OPRM1: variants seen among roughly 807,000 people sequenced by gnomAD.
OPRM1 encodes the protein mu-type opioid receptor.
A neutral mutation model predicts 31.8 loss-of-function variants in OPRM1; 27 were observed. That is an observed-to-expected ratio of 0.85 (90% CI 0.63 to 1.17). The LOEUF (loss-of-function observed/expected upper bound fraction) is 1.17. Among genes scored for constraint, OPRM1 ranks in the 50% most tolerant of loss-of-function variants. The probability of loss-of-function intolerance (pLI) is 0.00; values close to 1 mark genes in which losing one functional copy is unlikely to be tolerated. For synonymous variants in OPRM1, 196 were observed against 189.9 expected, an observed-to-expected ratio of 1.03 and a Z score of -0.26; for missense variants, 536 against 511.1, an observed-to-expected ratio of 1.05 and a Z score of -0.47.
At chr6:154,153,881 C>G (rs1798611941) in intron 3 of OPRM1, among the ~76,000 whole-genome samples, 1 of 152,134 alleles carries the variant, frequency 6.6e-6, no homozygotes, top group South Asian at 2.1e-4. Flanking sequence ...ACTGTGAGTT[C>G]ACAAATTTGT....
chr6:154,152,390 A>AGGAAAGAGAGAG (rs1798559728), intron 3 of OPRM1, among the ~76,000 whole-genome samples: 3 of 126,198 alleles, frequency 2.4e-5, no homozygotes, highest in Admixed American at 7.7e-5. Flanking sequence ...GAAAGAAAGA[A>AGGAAAGAGAGAG]AGAGAAATAG....
rs965507512 is a variant in OPRM1 at position 154,120,393 on chromosome 6, A to G, written c.*1672A>G. Among the ~76,000 whole-genome samples the G allele has an allele frequency of 6.6e-6, 1 of 152,170 alleles. No homozygotes were observed. Among genetic ancestry groups the G allele is most frequent in the Non-Finnish European group, 1.5e-5 (1 of 68,016 alleles). On this transcript the variant is annotated 3_prime_UTR_variant, in exon 4 of 4. Coordinates refer to ENST00000330432, the MANE Select transcript of OPRM1 (RefSeq NM_000914.5). ...TAGATGGGAAAAAACAAAAGCCAAA[A>G]TAAGTTTTTTAGTGTTTCCTTCTGA...
chr6:154,127,405 G>A lies in OPRM1; in HGVS notation c.*8684G>A, dbSNP rs931007901. Among the ~76,000 whole-genome samples the A allele has an allele frequency of 2.0e-5, 3 of 152,166 alleles. No homozygotes were observed. The highest frequency in any genetic ancestry group is 4.4e-5 in the Non-Finnish European group (3 of 68,042). On this transcript the variant is annotated 3_prime_UTR_variant, in exon 4 of 4. Coordinates refer to ENST00000330432, the MANE Select transcript of OPRM1 (RefSeq NM_000914.5). ...TTGCCTACTCTTCAAGGGTTTAGGG[G>A]CTTAGGGGGAGGTTTTGTTTGGGTT...
intron 1 of OPRM1, among the ~76,000 whole-genome samples, chr6:154,079,785 C>T (rs893551810): frequency 2.0e-5 from 3 of 152,166 alleles, no homozygotes; most frequent in Admixed American, 6.5e-5. Context: ...CCGTAGCTCA[C>T]TGCAGCCTTG....
In OPRM1 at chr6:154,129,952, T is replaced by C. The variant is rs918579653; in HGVS notation, c.*11231T>C. 2.6e-5 allele frequency among the ~76,000 whole-genome samples: 4 copies of C among 151,416 alleles called. No individual in the cohort carries two copies. Among genetic ancestry groups the C allele is most frequent in the Non-Finnish European group, 4.4e-5 (3 of 67,928 alleles). ...AATCAAAATAAAATGCAATCAATAC[T>C]AAAATACAATTTACCAAAGGCTTAC... On this transcript the variant is annotated 3_prime_UTR_variant, in exon 4 of 4. Transcript: ENST00000330432.
intron 3 of OPRM1, among the ~76,000 whole-genome samples, chr6:154,160,884 A>T (rs562956303): frequency 2.6e-5 from 4 of 152,314 alleles, no homozygotes; most frequent in African/African-American, 9.6e-5. Flanking sequence ...GAGCGAGACC[A>T]CTGCCTCCAA....
At chr6:154,117,770 A>G (rs529455036) in intron 3 of OPRM1, among the ~76,000 whole-genome samples, 1 of 152,140 alleles carries the variant, frequency 6.6e-6, no homozygotes, top group South Asian at 2.1e-4. Flanking sequence ...GCCTCTCCCT[A>G]AAGTGAGAAT....
chr6:154,133,189 A>G (rs183903491), downstream of OPRM1, among the ~76,000 whole-genome samples: 38 of 152,320 alleles, frequency 2.5e-4, no homozygotes, highest in Non-Finnish European at 3.8e-4. Context: ...TTGCCTATTG[A>G]AAAGAGTTAT....
At chr6:154,214,056 GTGTGAATA>G (rs1383801651) in intron 3 of OPRM1, among the ~76,000 whole-genome samples, 1 of 152,166 alleles carries the variant, frequency 6.6e-6, no homozygotes, top group Non-Finnish European at 1.5e-5. Flanking sequence ...TGGTGAGTCT[GTGTGAATA>G]TGTCTGTCTC....
intron 1 of OPRM1, among the ~76,000 whole-genome samples, chr6:154,055,416 A>T (rs539996766): frequency 1.8e-4 from 27 of 152,200 alleles, no homozygotes; most frequent in East Asian, 5.8e-4. Flanking sequence ...CAAAAAAAAA[A>T]AAATAAAAGC....
chr6:154,242,270 A>G (rs1408385290), intron 3 of OPRM1, among the ~76,000 whole-genome samples: 3 of 152,174 alleles, frequency 2.0e-5, no homozygotes, highest in African/African-American at 7.2e-5. Context: ...GGGCCTTTCT[A>G]GCAAATTCAG....
intron 1 of OPRM1, among the ~76,000 whole-genome samples, chr6:154,045,921 C>T (rs961200982): frequency 6.6e-6 from 1 of 152,180 alleles, no homozygotes; most frequent in African/African-American, 2.4e-5. Flanking sequence ...CAGAAGGCCC[C>T]GCCCACATTG....
At chr6:154,082,575 TAAAG>T (rs1789415442) in intron 1 of OPRM1, among the ~76,000 whole-genome samples, 1 of 152,186 alleles carries the variant, frequency 6.6e-6, no homozygotes, top group Non-Finnish European at 1.5e-5. Context: ...CCTTCCGTAT[TAAAG>T]AAATACCTAG....
At chr6:154,152,327 GAAA>G (rs1167602941) in intron 3 of OPRM1, among the ~76,000 whole-genome samples, 807 of 28,360 alleles carry the variant, frequency 0.028, 4 homozygotes, top group East Asian at 0.13. Context: ...AAGAAAGAAA[GAAA>G]GAAAGAAAGA....
intron 3 of OPRM1, among the ~76,000 whole-genome samples, chr6:154,140,349 GAGAA>G (rs1262149228): frequency 4.5e-4 from 55 of 123,096 alleles, no homozygotes; most frequent in Admixed American, 5.6e-4. Context: ...TTTTTTTTTT[GAGAA>G]AGAGTCTCGC....
chr6:154,200,132 G>T, intron 3 of OPRM1: 1 of 1,193,700 alleles, frequency 8.4e-7, no homozygotes, highest in Non-Finnish European at 1.1e-6. Flanking sequence ...CGGTGTCCCC[G>T]TGTTATTTCA....
chr6:154,078,634 G>GC (rs1264650053), intron 1 of OPRM1, among the ~76,000 whole-genome samples: 11 of 152,194 alleles, frequency 7.2e-5, no homozygotes, highest in Admixed American at 6.5e-4. Context: ...ATTTTGGGAG[G>GC]CCAAGGAGGG....
intron 1 of OPRM1, among the ~76,000 whole-genome samples, chr6:154,041,108 A>G (rs1779968110): frequency 6.6e-6 from 1 of 152,160 alleles, no homozygotes; most frequent in Admixed American, 6.5e-5. Context: ...TGCTCTCTCC[A>G]GTATGCTTTC....
chr6:154,220,583 A>G (rs1402662660), intron 3 of OPRM1, among the ~76,000 whole-genome samples: 1 of 152,154 alleles, frequency 6.6e-6, no homozygotes, highest in East Asian at 1.9e-4. Flanking sequence ...CAGAGGTTGC[A>G]GTGAGCCGAG....
Sources: gnomAD v4.1 joint callset for allele counts (sites outside exome capture counted in the v4.1 genomes callset) on GRCh38, gnomAD v4.1.1 for gene constraint, MANE v1.5 for transcripts, NCBI Gene and HGNC (gene_info 2026-07-23, HGNC 2026-07-21) for gene names.